The following CAGE1 variants were observed in gnomAD, a reference collection of about 807,000 sequenced individuals.
The protein encoded by CAGE1 is cancer antigen 1, also known as cancer-associated gene 1 protein.
Under a neutral mutation model 94.9 loss-of-function variants are expected in CAGE1, and 66 were observed. The ratio of observed to expected loss-of-function variants is 0.70; its 90% confidence interval spans 0.57 to 0.85. The LOEUF (loss-of-function observed/expected upper bound fraction) is 0.85. CAGE1 is among the 40% of genes least tolerant of loss of function. The pLI is 0.00. For synonymous variants in CAGE1, 319 were observed against 321.0 expected (o/e 0.99, Z 0.07); for missense variants, 865 against 950.4 (o/e 0.91, Z 1.18).
At chr6:7,345,900 G>C (rs1335567740) in intron 11 of CAGE1, among the ~76,000 whole-genome samples, 1 of 152,136 alleles carries the variant, frequency 6.6e-6, no homozygotes, top group African/African-American at 2.4e-5. Flanking sequence ...ACTCCAGCCT[G>C]GGTGACAGAA....
intron 4 of CAGE1, among the ~76,000 whole-genome samples, chr6:7,376,923 A>AT (rs1292163741): frequency 1.3e-5 from 2 of 152,204 alleles, no homozygotes; most frequent in African/African-American, 4.8e-5. Flanking sequence ...CTTATCATAG[A>AT]TGCCCAACCT....
Position 7,369,956 on chromosome 6 carries a change from C to T in CAGE1, c.1856G>A (p.Ser619Asn). 1 of 1,613,776 alleles carries T rather than the reference C, an allele frequency of 6.2e-7. No individual in the cohort carries two copies. Among genetic ancestry groups the T allele is most frequent in the South Asian group, 1.1e-5 (1 of 91,058 alleles). ...AAGTCCCACCATCAGAGCCAGAAGA[C>T]TGTGCATTTTGGAGGCCAGCTGAGA... is the stretch of plus-strand genomic sequence containing the variant. The part of the protein sequence containing the change: ...RASQLASKMH[S>N]LLALMVGLLT... The change falls in exon 6 of 14, where the codon AGT becomes AAT. Residue 619 changes from serine (S) to asparagine (N), a missense_variant. Coordinates refer to ENST00000502583, the MANE Select transcript of CAGE1 (RefSeq NM_001170692.2).
intron 12 of CAGE1, among the ~76,000 whole-genome samples, chr6:7,332,134 G>A (rs374664963): frequency 6.6e-5 from 10 of 152,162 alleles, no homozygotes; most frequent in African/African-American, 1.7e-4. Context: ...GTAGCTGATG[G>A]ACACCACTGT....
At chr6:7,385,897 T>C (rs1761106275) in intron 2 of CAGE1, 25 bp from the exon 3 acceptor site, 1 of 1,253,990 alleles carries the variant, frequency 8.0e-7, no homozygotes. Flanking sequence ...AAGGCATCAA[T>C]ACTTCAAGCA....
At position 7,376,375 on chromosome 6, in the gene CAGE1, C is replaced by T. The variant is rs185695936; in HGVS notation, c.687+2242G>A. 7.8e-3 allele frequency among the ~76,000 whole-genome samples: 1,173 copies of T among 150,102 alleles called. 9 individuals are homozygous for T. Among genetic ancestry groups the T allele is most frequent in the Middle Eastern group, 0.034 (10 of 294 alleles). ...CTGCACTGCAGCCTGGGCGACAGAG[C>T]GAGACTCCATCTCAAAATAAATAAA... is the stretch of plus-strand genomic sequence containing the variant. On this transcript the variant is annotated intron_variant, in intron 4 of 13. Transcript: ENST00000502583.
intron 12 of CAGE1, among the ~76,000 whole-genome samples, chr6:7,330,469 G>A (rs1027253331): frequency 9.9e-5 from 15 of 152,154 alleles, no homozygotes; most frequent in South Asian, 4.1e-4. Context: ...CTTAGGATAC[G>A]ATTCTGACTT....
chr6:7,356,955 C>G (rs936070050), intron 9 of CAGE1, among the ~76,000 whole-genome samples: 1 of 152,082 alleles, frequency 6.6e-6, no homozygotes, highest in Non-Finnish European at 1.5e-5. Flanking sequence ...CGCCACCACG[C>G]CCAGCTAATT....
intron 4 of CAGE1, among the ~76,000 whole-genome samples, chr6:7,376,978 C>T (rs1760767932): frequency 6.6e-6 from 1 of 152,200 alleles, no homozygotes; most frequent in African/African-American, 2.4e-5. Flanking sequence ...TTATCTGTAA[C>T]TTGATATAGC....
chr6:7,388,032 CAAAAA>C (rs70978963), intron 1 of CAGE1, among the ~76,000 whole-genome samples: 9 of 64,938 alleles, frequency 1.4e-4, no homozygotes, highest in South Asian at 1.2e-3. Context: ...GACTCCATCT[CAAAAA>C]AAAAAAAAAA....
Position 7,373,518 on chromosome 6 carries a change from G to T in CAGE1, c.1301C>A (p.Ser434Tyr), listed in dbSNP as rs1457152524. 5.0e-6 allele frequency: 8 copies of T among 1,613,470 alleles called. No homozygotes were observed. The highest frequency in any genetic ancestry group is 3.3e-4 in the Middle Eastern group (2 of 6,082). ...GTCCATCTCTAAATACTGACTTACAGATTTATTTTTTTGTTGCATTTCAGT... is the reference window on the plus strand; with the variant it reads ...GTCCATCTCTAAATACTGACTTACATATTTATTTTTTTGTTGCATTTCAGT... ...YMTEMQQKNK[S>Y]VSQYLEMDKT... The change falls in exon 5 of 14, where the codon TCT becomes TAT. Residue 434 changes from serine to tyrosine, a missense_variant. Ser to Tyr is a moderately radical substitution (Grantham distance 144, BLOSUM62 -2). Coordinates refer to ENST00000502583, the MANE Select transcript of CAGE1 (RefSeq NM_001170692.2).
At chr6:7,358,027 G>GATATATATATATGTATGTATATATATAT (rs1554138207) in intron 9 of CAGE1, among the ~76,000 whole-genome samples, 1 of 48,076 alleles carries the variant, frequency 2.1e-5, no homozygotes, top group Non-Finnish European at 4.3e-5. Flanking sequence ...TAAGTTTTGA[G>GATATATATATATGTATGTATATATATAT]ATATATATAT....
At chr6:7,345,921 TC>T (rs1261751718) in intron 11 of CAGE1, among the ~76,000 whole-genome samples, 1 of 151,730 alleles carries the variant, frequency 6.6e-6, no homozygotes, top group Non-Finnish European at 1.5e-5. Flanking sequence ...CGAGAGTCCA[TC>T]TCAAAAAAAG....
chr6:7,341,872 A>G lies in CAGE1; in HGVS notation c.2370-7782T>C, dbSNP rs140140172. The G allele has an allele frequency of 6.4e-5, 44 of 683,646 alleles. No homozygotes were observed. The African/African-American group carries it at 7.2e-4, about 11-fold the overall frequency. 42.3% of individuals were successfully genotyped at this position (683,646 alleles called of 1,614,324 possible). On this transcript the variant is annotated intron_variant, in intron 11 of 13. Coordinates refer to ENST00000502583, the MANE Select transcript of CAGE1 (RefSeq NM_001170692.2). ...CAGGAACTGGGCCACTTCTTCTTGC[A>G]GGAACGGGTGCCCTCTCCAATCAGG...
intron 9 of CAGE1, among the ~76,000 whole-genome samples, chr6:7,356,366 C>T (rs1269581450): frequency 6.6e-6 from 1 of 152,168 alleles, no homozygotes; most frequent in African/African-American, 2.4e-5. Flanking sequence ...TATAAAACAG[C>T]ATTACAAATA....
At chr6:7,376,966 G>A (rs965313169) in intron 4 of CAGE1, among the ~76,000 whole-genome samples, 4 of 152,202 alleles carry the variant, frequency 2.6e-5, no homozygotes, top group Admixed American at 2.6e-4. Context: ...ATAGTTGCAA[G>A]TTTATCTGTA....
chr6:7,329,989 A>G, intron 12 of CAGE1, 101 bp from the exon 13 acceptor site: 1 of 607,264 alleles, frequency 1.6e-6, no homozygotes, highest in South Asian at 2.0e-5. Flanking sequence ...TTTTCCCCTC[A>G]CTTTCAAGGA....
intron 11 of CAGE1, among the ~76,000 whole-genome samples, chr6:7,345,419 C>T (rs533818691): frequency 4.6e-5 from 7 of 152,314 alleles, no homozygotes; most frequent in African/African-American, 1.7e-4. Flanking sequence ...GTAACCCTCA[C>T]TGCAGGGGTC....
Position 7,389,737 on chromosome 6 carries a change from A to G in CAGE1, c.-559T>C. On this transcript the variant is annotated 5_prime_UTR_variant, in exon 1 of 14. Transcript: ENST00000502583. ...GCCCTATACAGCGCGCCATCCAGAGAGCTCCGGACTCCCAGCTCGGCGCAG... is the reference window on the plus strand; with the variant it reads ...GCCCTATACAGCGCGCCATCCAGAGGGCTCCGGACTCCCAGCTCGGCGCAG... The G allele has an allele frequency of 1.8e-6, 1 of 566,534 alleles. No individual in the cohort carries two copies. 35.1% of individuals were successfully genotyped at this position (566,534 alleles called of 1,614,324 possible). A position where few individuals can be genotyped will look rare whatever the true frequency, so the allele number is the denominator to read the frequency against.
At chr6:7,342,258 A>G (rs1441249393) in intron 11 of CAGE1, among the ~76,000 whole-genome samples, 1 of 152,168 alleles carries the variant, frequency 6.6e-6, no homozygotes, top group African/African-American at 2.4e-5. Context: ...TTATGGCCCC[A>G]GACTATAGGA....
Sources: gnomAD v4.1 joint callset for allele counts (sites outside exome capture counted in the v4.1 genomes callset) on GRCh38, gnomAD v4.1.1 for gene constraint, MANE v1.5 for transcripts, NCBI Gene and HGNC (gene_info 2026-07-23, HGNC 2026-07-21) for gene names.